SIK3: variants seen among roughly 807,000 people sequenced by gnomAD.
SIK3 encodes SIK family kinase 3, also known as serine/threonine-protein kinase SIK3.
In SIK3, 28 loss-of-function variants were observed where a neutral mutation model predicts 144.2. The observed-to-expected ratio is 0.19, with a 90% CI of 0.14 to 0.27. The LOEUF (loss-of-function observed/expected upper bound fraction) is 0.27. Among genes scored for constraint, SIK3 ranks in the 10% least tolerant of loss-of-function variants. The pLI, the probability that SIK3 is intolerant of heterozygous loss-of-function variation, is 1.00. For missense variants in SIK3, 1,319 were observed against 1,776.0 expected (o/e 0.74, Z 4.62); for synonymous variants, 686 against 676.3 (o/e 1.01, Z -0.22).
chr11:116,992,315 A>AC (rs201865103), intron 1 of SIK3, among the ~76,000 whole-genome samples: 2,355 of 117,716 alleles, frequency 0.02, 49 homozygotes, highest in Middle Eastern at 0.084. Context: ...ACAGAGCAAG[A>AC]CCCCCCCCCC....
At position 116,863,807 on chromosome 11, in the gene SIK3, T is replaced by C. The variant is rs1943482009; in HGVS notation, c.1964A>G (p.Lys655Arg). 3 of 1,611,128 alleles carry C rather than the reference T, an allele frequency of 1.9e-6. No homozygotes were observed. The highest frequency in any genetic ancestry group is 2.5e-6 in the Non-Finnish European group (3 of 1,178,310). ...AGGGAGGTGCAGAGTGTTGGAGTCC[T>C]TGTAGGTAGAGCTGAATATATGGGA... Reference protein sequence around the residue: ...LVPDQHRSTYKDSNTLHLPTE... With the variant: ...LVPDQHRSTYRDSNTLHLPTE... The change falls in exon 16 of 25, where the codon AAG becomes AGG. Residue 655 changes from lysine (K) to arginine (R), a missense_variant. This residue lies in a region of SIK3 where 47 missense variants were observed against 40.2 expected (regional missense o/e 1.17). Transcript: ENST00000445177.
At chr11:116,865,320 C>T (rs1380214603) in intron 15 of SIK3, among the ~76,000 whole-genome samples, 1 of 152,136 alleles carries the variant, frequency 6.6e-6, no homozygotes, top group African/African-American at 2.4e-5. Context: ...CACAGAAAAT[C>T]CCAGGTCCAG....
intron 1 of SIK3, among the ~76,000 whole-genome samples, chr11:117,097,172 T>C (rs763352915): frequency 4.6e-5 from 7 of 152,100 alleles, no homozygotes; most frequent in Non-Finnish European, 7.4e-5. Context: ...CATGCATACA[T>C]ATATAGCTTC....
intron 4 of SIK3, 56 bp from the exon 5 acceptor site, chr11:116,897,373 C>A: frequency 6.8e-7 from 1 of 1,477,974 alleles, no homozygotes; most frequent in Non-Finnish European, 9.3e-7. Flanking sequence ...TATAACTGAG[C>A]AAACACTAGT....
At chr11:117,083,156 C>A (rs930560413) in intron 1 of SIK3, among the ~76,000 whole-genome samples, 2 of 152,130 alleles carry the variant, frequency 1.3e-5, no homozygotes, top group Non-Finnish European at 2.9e-5. Context: ...TATAACAATA[C>A]CCCTTTTACT....
At chr11:116,861,679 G>A (rs1410483658) in intron 18 of SIK3, among the ~76,000 whole-genome samples, 162 bp downstream of exon 18, 1 of 152,152 alleles carries the variant, frequency 6.6e-6, no homozygotes, top group African/African-American at 2.4e-5. Flanking sequence ...ACAGGAAGTT[G>A]GGATTTCAAG....
In SIK3 at chr11:116,855,083, C is replaced by CAAAAAAAAAAA. The variant is rs528405922; in HGVS notation, c.3655+2716_3655+2726dup. Among the ~76,000 whole-genome samples, 251 of 82,074 alleles carry CAAAAAAAAAAA rather than the reference C, an allele frequency of 3.1e-3. 33 individuals carry two copies. The highest frequency in any genetic ancestry group is 0.016 in the African/African-American group (224 of 13,880). The allele number at this position is 82,074 out of a possible 152,430, so 53.8% of individuals were successfully genotyped here. ...CATGGGTGACAGTGTGAGACTCTGC[C>CAAAAAAAAAAA]AAAAAAAAAAAAAAAAAAAAAAAAA... is the stretch of plus-strand genomic sequence containing the variant. On this transcript the variant is annotated intron_variant, in intron 21 of 24. Coordinates refer to ENST00000445177, the MANE Select transcript of SIK3 (RefSeq NM_001366686.3).
intron 1 of SIK3, among the ~76,000 whole-genome samples, chr11:117,069,008 A>T (rs10502225): frequency 0.056 from 8,516 of 152,176 alleles, 524 homozygotes; most frequent in African/African-American, 0.15. Flanking sequence ...TCTCTCAGTG[A>T]TGCTGCACTA....
In SIK3 at chr11:116,858,191, C is replaced by G. The variant is rs748025109; in HGVS notation, c.3274G>C (p.Ala1092Pro). The part of the protein sequence containing the change: ...LGGQSMTERQ[A>P]LSYQNADSYH... ...GAGTCAGCATTTTGATAAGATAAAGCCTGGCGCTCTGTCATGCTCTGTCCC... is the reference window on the plus strand; with the variant it reads ...GAGTCAGCATTTTGATAAGATAAAGGCTGGCGCTCTGTCATGCTCTGTCCC... The change falls in exon 21 of 25, where the codon GCT (alanine) becomes CCT (proline). Residue 1092 changes from alanine (A) to proline (P), a missense_variant. Around this residue, in one of 8 missense-constraint regions of SIK3, gnomAD observed 646 missense variants for 763.7 expected, o/e 0.85. Transcript: ENST00000445177. The surrounding 1 kb of genome is among the most constrained non-coding windows in gnomAD (Gnocchi z 5.4). 4 of 1,614,102 alleles carry G rather than the reference C, an allele frequency of 2.5e-6. No individual in the cohort carries two copies. Among genetic ancestry groups the G allele is most frequent in the South Asian group, 2.2e-5 (2 of 91,074 alleles).
chr11:116,861,927 C>A lies in SIK3; in HGVS notation c.2230-1G>T. The A allele has an allele frequency of 6.2e-7, 1 of 1,604,550 alleles. No individual in the cohort carries two copies. Among genetic ancestry groups the A allele is most frequent in the Non-Finnish European group, 8.5e-7 (1 of 1,175,122 alleles). Reference sequence around the variant, plus strand: ...ATGGCTGAGGAGGACAGATAGAGTCCTAAAACATATATGGGGAAAGGAAAA... The same window carrying A: ...ATGGCTGAGGAGGACAGATAGAGTCATAAAACATATATGGGGAAAGGAAAA... On this transcript the variant is annotated splice_acceptor_variant, in intron 17 of 24. Transcript: ENST00000445177. LOFTEE classifies it high-confidence loss of function.
At chr11:116,863,995 A>AG (rs906550725) in intron 15 of SIK3, 177 bp from the exon 16 acceptor site, 6 of 567,896 alleles carry the variant, frequency 1.1e-5, no homozygotes, top group Non-Finnish European at 1.8e-5. Flanking sequence ...GCTTCCCTTT[A>AG]GAGGGCTCCA....
At chr11:116,967,783 C>T (rs933414552) in intron 1 of SIK3, among the ~76,000 whole-genome samples, 4 of 152,168 alleles carry the variant, frequency 2.6e-5, no homozygotes, top group Admixed American at 1.3e-4. Flanking sequence ...GTTTATGATA[C>T]CAGACTATCT....
chr11:116,996,261 T>C (rs531590863), intron 1 of SIK3, among the ~76,000 whole-genome samples: 13 of 152,052 alleles, frequency 8.5e-5, no homozygotes, highest in Admixed American at 6.5e-5. Context: ...TGAGCCGAGA[T>C]TGTGCCACTG....
chr11:116,987,602 T>C (rs912434629), intron 1 of SIK3, among the ~76,000 whole-genome samples: 2 of 152,128 alleles, frequency 1.3e-5, no homozygotes, highest in African/African-American at 4.8e-5. Flanking sequence ...ATGAAATCCA[T>C]GTGGTAGGAA....
chr11:116,905,709 T>C (rs755519384), intron 4 of SIK3, among the ~76,000 whole-genome samples: 24 of 152,276 alleles, frequency 1.6e-4, no homozygotes, highest in Non-Finnish European at 2.9e-4. Flanking sequence ...ATTTCCCTGA[T>C]GGCTAATAAT....
At chr11:117,041,399 TTCAAGACCTCTCA>T (rs1301871198) in intron 1 of SIK3, among the ~76,000 whole-genome samples, 1 of 152,162 alleles carries the variant, frequency 6.6e-6, no homozygotes, top group East Asian at 1.9e-4. Context: ...ACACTGGTAC[TTCAAGACCTCTCA>T]AATGACCTGT....
chr11:117,091,278 C>T (rs1286137136), intron 1 of SIK3, among the ~76,000 whole-genome samples: 2 of 141,478 alleles, frequency 1.4e-5, no homozygotes, highest in East Asian at 4.2e-4. Flanking sequence ...GATCTCGGCT[C>T]ACTGCAACCT....
intron 3 of SIK3, among the ~76,000 whole-genome samples, chr11:116,939,484 A>G (rs758122234): frequency 6.6e-6 from 1 of 152,256 alleles, no homozygotes; most frequent in Non-Finnish European, 1.5e-5. Flanking sequence ...ACTAAATGAC[A>G]GGAGTAGATA....
At chr11:117,021,943 A>C (rs200358789) in intron 1 of SIK3, among the ~76,000 whole-genome samples, 19,409 of 126,342 alleles carry the variant, frequency 0.15, 1,120 homozygotes, top group African/African-American at 0.21. Flanking sequence ...AAAAAAAAAA[A>C]AAAAAAAAAA....
Sources: allele counts gnomAD v4.1 joint callset (sites outside exome capture counted in the v4.1 genomes callset), GRCh38; gene constraint gnomAD v4.1.1; regional missense constraint gnomAD v4.1.1; non-coding constraint Gnocchi (gnomAD v3.1); transcripts MANE v1.5; gene names NCBI Gene and HGNC (gene_info 2026-07-23, HGNC 2026-07-21).